Variants in MAPK10 observed in about 807,000 individuals in gnomAD.
MAPK10 encodes the protein JNK3 alpha protein kinase.
In MAPK10, 25 loss-of-function variants were observed where a neutral mutation model predicts 59.3. That is an observed-to-expected ratio of 0.42 (90% CI 0.31 to 0.59). The LOEUF is 0.59. Ranked by LOEUF, MAPK10 falls within the 20% of genes least tolerant of loss-of-function variation. The probability of loss-of-function intolerance (pLI) is 0.15; values close to 1 mark genes in which losing one functional copy is unlikely to be tolerated. For missense variants in MAPK10, 351 were observed against 568.9 expected (o/e 0.62, Z 3.90); for synonymous variants, 190 against 200.5 (o/e 0.95, Z 0.44).
intron 2 of MAPK10, among the ~76,000 whole-genome samples, chr4:86,328,026 A>C (rs1330343648): frequency 6.6e-6 from 1 of 152,110 alleles, no homozygotes; most frequent in Non-Finnish European, 1.5e-5. Flanking sequence ...CATTCTCCAA[A>C]CTTCAGGTGT....
chr4:86,380,697 C>T (rs937632494), intron 1 of MAPK10, among the ~76,000 whole-genome samples: 1 of 151,984 alleles, frequency 6.6e-6, no homozygotes, highest in African/African-American at 2.4e-5. Flanking sequence ...ATACATTATG[C>T]ATGTTTACAT....
chr4:86,276,485 T>C (rs1159659909), intron 2 of MAPK10, among the ~76,000 whole-genome samples: 1 of 152,166 alleles, frequency 6.6e-6, no homozygotes, highest in African/African-American at 2.4e-5. Flanking sequence ...TGCTTGCTTC[T>C]GACAGAACAG....
intron 11 of MAPK10, among the ~76,000 whole-genome samples, chr4:86,032,754 C>G (rs6848433): frequency 0.13 from 20,488 of 152,198 alleles, 1,627 homozygotes; most frequent in African/African-American, 0.2. Flanking sequence ...GCCTCACATC[C>G]TGCAAAGTAT....
intron 1 of MAPK10, among the ~76,000 whole-genome samples, chr4:86,380,108 G>A (rs1740457881): frequency 6.6e-6 from 1 of 152,084 alleles, no homozygotes; most frequent in Admixed American, 6.6e-5. Context: ...TATAATCCCA[G>A]CTACTCAGGA....
chr4:86,071,841 G>A (rs2048064506), intron 9 of MAPK10, among the ~76,000 whole-genome samples: 1 of 148,746 alleles, frequency 6.7e-6, no homozygotes, highest in South Asian at 2.1e-4. Context: ...CTCCAGCTTT[G>A]TTCTTTTGGC....
chr4:86,445,976 T>C (rs1749984741), intron 1 of MAPK10, among the ~76,000 whole-genome samples: 1 of 152,108 alleles, frequency 6.6e-6, no homozygotes, highest in Non-Finnish European at 1.5e-5. Context: ...AAGAAAAAAA[T>C]CTTAATTTTT....
chr4:86,303,895 C>T (rs747979462), intron 2 of MAPK10, among the ~76,000 whole-genome samples: 2 of 152,138 alleles, frequency 1.3e-5, no homozygotes, highest in Non-Finnish European at 2.9e-5. Flanking sequence ...TAACTTCTAC[C>T]ACTACGAAAT....
rs375503809 is a variant in MAPK10 at position 86,587,232 on chromosome 4, CAA to C, written c.-263+6676_-263+6677del. Among the ~76,000 whole-genome samples, 437 of 152,328 alleles carry C rather than the reference CAA, an allele frequency of 2.9e-3. 1 individual carries two copies. The highest frequency in any genetic ancestry group is 4.9e-3 in the Non-Finnish European group (336 of 68,030). On this transcript the variant is annotated intron_variant, in intron 1 of 4. Transcript: ENST00000502302. ...GATTTGTACTTAGGTTTTCTGAGTG[CAA>C]ACGCTGTGTTCTTTTCAATGTACTT... is the stretch of plus-strand genomic sequence containing the variant.
intron 2 of MAPK10, among the ~76,000 whole-genome samples, chr4:86,207,594 G>T (rs934805046): frequency 1.3e-5 from 2 of 152,102 alleles, no homozygotes; most frequent in African/African-American, 4.8e-5. Context: ...AAAGTCATTG[G>T]TAGCTTGATG....
chr4:86,145,361 CAAAAA>C (rs1166418131), intron 4 of MAPK10, among the ~76,000 whole-genome samples: 2 of 55,340 alleles, frequency 3.6e-5, no homozygotes, highest in African/African-American at 6.3e-5. Context: ...GACACCGTCT[CAAAAA>C]AAAAAAAAAA....
At chr4:86,101,581 G>A in intron 7 of MAPK10, 1 of 404,954 alleles carries the variant, frequency 2.5e-6, no homozygotes, top group Non-Finnish European at 4.4e-6. Flanking sequence ...CTGTCTTTAT[G>A]CTGCCAGAAA....
At chr4:86,568,777 C>T (rs1044390385) in intron 1 of MAPK10, among the ~76,000 whole-genome samples, 5 of 152,038 alleles carry the variant, frequency 3.3e-5, no homozygotes, top group African/African-American at 1.2e-4. Flanking sequence ...TCTTTCTCAC[C>T]ATATATAAAA....
chr4:86,139,738 A>G (rs1479778582), intron 4 of MAPK10, among the ~76,000 whole-genome samples: 2 of 152,114 alleles, frequency 1.3e-5, no homozygotes, highest in African/African-American at 4.8e-5. Flanking sequence ...CCATCAGAGT[A>G]GCAGGCAACA....
intron 1 of MAPK10, among the ~76,000 whole-genome samples, chr4:86,538,516 G>A (rs56009992): frequency 0.27 from 41,572 of 152,010 alleles, 6,306 homozygotes; most frequent in Admixed American, 0.34. Flanking sequence ...GCTCTTTTTC[G>A]TTAAGTGTAT....
At chr4:86,049,739 T>C (rs2043169405) in intron 11 of MAPK10, among the ~76,000 whole-genome samples, 1 of 152,156 alleles carries the variant, frequency 6.6e-6, no homozygotes, top group South Asian at 2.1e-4. Context: ...TCTCTGAATG[T>C]CATTCTTTCT....
chr4:86,292,285 A>G (rs1209348089), intron 2 of MAPK10, among the ~76,000 whole-genome samples: 1 of 152,216 alleles, frequency 6.6e-6, no homozygotes, highest in African/African-American at 2.4e-5. Context: ...AGAAAATATA[A>G]TACTTCTCTC....
At chr4:86,583,849 T>A (rs1351546916) in intron 1 of MAPK10, among the ~76,000 whole-genome samples, 1 of 152,196 alleles carries the variant, frequency 6.6e-6, no homozygotes, top group Non-Finnish European at 1.5e-5. Context: ...ATATCTTTTA[T>A]CTTATCTAAA....
chr4:86,089,470 T>C, intron 9 of MAPK10: 1 of 483,050 alleles, frequency 2.1e-6, no homozygotes, highest in Non-Finnish European at 3.6e-6. Context: ...CCCTTTTCTG[T>C]CATATAACAG....
intron 1 of MAPK10, among the ~76,000 whole-genome samples, chr4:86,424,989 A>C (rs1747079289): frequency 6.6e-6 from 1 of 152,138 alleles, no homozygotes; most frequent in Non-Finnish European, 1.5e-5. Context: ...CTAAGGAAAG[A>C]CCATTGTGAA....
Sources: allele counts gnomAD v4.1 joint callset (sites outside exome capture counted in the v4.1 genomes callset), GRCh38; gene constraint gnomAD v4.1.1; transcripts MANE v1.5; gene names NCBI Gene and HGNC (gene_info 2026-07-23, HGNC 2026-07-21).